The following TXLNG variants were observed in gnomAD, a reference collection of about 807,000 sequenced individuals.
TXLNG encodes taxilin gamma.
TXLNG carries 5 observed loss-of-function variants against 38.8 expected under a neutral mutation model. The observed-to-expected ratio is 0.13, with a 90% CI of 0.07 to 0.27. TXLNG has a LOEUF of 0.27. TXLNG is among the 10% of genes least tolerant of loss of function. TXLNG has a pLI of 1.00. For missense variants in TXLNG, 393 were observed against 398.2 expected (o/e 0.99, Z 0.11); for synonymous variants, 182 against 158.2 (o/e 1.15, Z -1.13).
intron 1 of TXLNG, among the ~76,000 whole-genome samples, chrX:16,816,973 A>G (rs764400059): frequency 2.7e-4 from 30 of 112,013 alleles, no homozygotes; most frequent in African/African-American, 9.7e-4. Context: ...CCCACCCCCA[A>G]TGGTAACCGC....
rs746233340 is a variant in TXLNG at position 16,821,286 on chromosome X, G to A, written c.498+1031G>A. 8.3e-5 allele frequency among the ~76,000 whole-genome samples: 9 copies of A among 107,914 alleles called. No homozygotes were observed. In the South Asian group the frequency reaches 2.0e-3, roughly 24 times the overall value. 93.7% of individuals were successfully genotyped at this position (107,914 alleles called of 115,157 possible). The stretch of plus-strand genomic sequence containing the variant: ...CTCCTGAGTAGTTGGGACTACAGGC[G>A]CGTGCCACCACGCCTGGCTAATTTT... On this transcript the variant is annotated intron_variant, in intron 3 of 9. Coordinates refer to ENST00000380122, the MANE Select transcript of TXLNG (RefSeq NM_018360.3).
intron 1 of TXLNG, among the ~76,000 whole-genome samples, chrX:16,799,423 G>A (rs1488215518): frequency 9.0e-6 from 1 of 111,453 alleles, no homozygotes; most frequent in Non-Finnish European, 1.9e-5. Context: ...TATACAATGG[G>A]GTAATGTTCC....
chrX:16,795,208 C>T (rs184647384), intron 1 of TXLNG, among the ~76,000 whole-genome samples: 1,565 of 110,087 alleles, frequency 0.014, 34 homozygotes, highest in Admixed American at 0.067. Flanking sequence ...ACCTGGGAGG[C>T]GGAGCTTGCA....
At chrX:16,821,140 CTT>C (rs1555993594) in intron 3 of TXLNG, among the ~76,000 whole-genome samples, 20 of 9,972 alleles carry the variant, frequency 2.0e-3, no homozygotes, top group East Asian at 0.016. Context: ...TTCTTTCTTT[CTT>C]TTTTTTTTTT....
At position 16,841,824 on chromosome X, in the gene TXLNG, T is replaced by C. The variant is rs1929856818; in HGVS notation, c.*58T>C. The C allele has an allele frequency of 9.1e-7, 1 of 1,098,141 alleles. No individual in the cohort carries two copies. Among genetic ancestry groups the C allele is most frequent in the Non-Finnish European group, 1.2e-6 (1 of 819,843 alleles). 90.5% of individuals were successfully genotyped at this position (1,098,141 alleles called of 1,213,427 possible). A position where few individuals can be genotyped will look rare whatever the true frequency, so the allele number is the denominator to read the frequency against. ...TTTTGTGTATAACTTTCTCTGTTAG[T>C]AGTTAACTATTGGTTTTGTGGTGAA... On this transcript the variant is annotated 3_prime_UTR_variant, in exon 10 of 10. Coordinates refer to ENST00000380122, the MANE Select transcript of TXLNG (RefSeq NM_018360.3).
chrX:16,828,191 G>C lies in TXLNG; in HGVS notation c.596G>C (p.Ser199Thr). The C allele has an allele frequency of 2.5e-6, 3 of 1,211,195 alleles. No homozygotes were observed. Among genetic ancestry groups the C allele is most frequent in the Non-Finnish European group, 3.4e-6 (3 of 895,083 alleles). The change falls in exon 4 of 10, where the codon AGC becomes ACC. Residue 199 changes from serine (S) to threonine (T), a missense_variant. Physicochemically the swap from Ser to Thr is moderately conservative, Grantham distance 58 (BLOSUM62 1). Coordinates refer to ENST00000380122, the MANE Select transcript of TXLNG (RefSeq NM_018360.3). ...KEKVHLQSEH[S>T]KAILARSKLE... ...AAAGTTCACTTGCAGAGTGAACATA[G>C]CAAGGCTATCTTGGCAAGAAGCAAG...
At chrX:16,840,010 C>T in intron 9 of TXLNG, 94 bp downstream of exon 9, 1 of 651,668 alleles carries the variant, frequency 1.5e-6, no homozygotes, top group Non-Finnish European at 2.3e-6. Context: ...TGCTGTAACA[C>T]TACTACCATA....
At chrX:16,810,043 TACTA>T (rs1434265877) in intron 1 of TXLNG, among the ~76,000 whole-genome samples, 1 of 111,690 alleles carries the variant, frequency 9.0e-6, no homozygotes, top group African/African-American at 3.3e-5. Context: ...CCCTGCAGTT[TACTA>T]ACTGTGACCT....
chrX:16,828,586 C>T (rs185472108), intron 4 of TXLNG, among the ~76,000 whole-genome samples: 101 of 111,868 alleles, frequency 9.0e-4, no homozygotes, highest in African/African-American at 3.1e-3. Flanking sequence ...AGCACTGATA[C>T]AGCTGATCAC....
At position 16,844,175 on chromosome X, in the gene TXLNG, G is replaced by A. The variant is rs1929999021; in HGVS notation, c.*2409G>A. The A allele has an allele frequency of 2.7e-5, 3 of 111,911 alleles. No homozygotes were observed. In the South Asian group the frequency reaches 1.1e-3, roughly 42 times the overall value. 9.2% of individuals were successfully genotyped at this position (111,911 alleles called of 1,213,427 possible). ...GACCATTTCATCCTCAGACTTGTTA[G>A]GAGTACATTTCTTGGTCTTGAGACC... is the stretch of plus-strand genomic sequence containing the variant. On this transcript the variant is annotated 3_prime_UTR_variant, in exon 10 of 10. Coordinates refer to ENST00000380122, the MANE Select transcript of TXLNG (RefSeq NM_018360.3).
chrX:16,821,949 G>A (rs1334308268), intron 3 of TXLNG, among the ~76,000 whole-genome samples: 6 of 109,456 alleles, frequency 5.5e-5, no homozygotes, highest in Non-Finnish European at 7.6e-5. Flanking sequence ...AGCCGAGATC[G>A]TGCCACTGCA....
At chrX:16,803,075 C>T (rs1451252844) in intron 1 of TXLNG, among the ~76,000 whole-genome samples, 2 of 111,070 alleles carry the variant, frequency 1.8e-5, no homozygotes, top group African/African-American at 3.3e-5. Flanking sequence ...TCCTTGGCCT[C>T]CCAAAGTACC....
chrX:16,804,004 C>G (rs1392513737), intron 1 of TXLNG, among the ~76,000 whole-genome samples: 1 of 110,648 alleles, frequency 9.0e-6, no homozygotes, highest in East Asian at 2.9e-4. Context: ...ATTTGACAGC[C>G]AAAAAGTAAA....
chrX:16,832,476 AG>A, intron 5 of TXLNG, 146 bp from the exon 6 acceptor site: 1 of 773,141 alleles, frequency 1.3e-6, no homozygotes, highest in Non-Finnish European at 1.9e-6. Context: ...CGGAGTATAC[AG>A]GGACAGAGAG....
At chrX:16,786,642 C>G (rs936712085) in intron 1 of TXLNG, 53 bp downstream of exon 1, 2 of 904,111 alleles carry the variant, frequency 2.2e-6, no homozygotes, top group Non-Finnish European at 1.4e-6. Flanking sequence ...TGTTTGGGCT[C>G]CCTTTTTCAG....
At chrX:16,801,162 T>G (rs909567421) in intron 1 of TXLNG, among the ~76,000 whole-genome samples, 1 of 112,081 alleles carries the variant, frequency 8.9e-6, no homozygotes, top group Non-Finnish European at 1.9e-5. Context: ...TCTTTTCTTA[T>G]AAATTACCCA....
At chrX:16,829,909 G>A in intron 5 of TXLNG, 139 bp downstream of exon 5, 2 of 547,278 alleles carry the variant, frequency 3.7e-6, no homozygotes, top group East Asian at 3.6e-5. Flanking sequence ...ATTAGGAAAC[G>A]ATCAGGCACC....
chrX:16,812,487 A>G (rs1278622729), intron 1 of TXLNG, among the ~76,000 whole-genome samples: 2 of 98,126 alleles, frequency 2.0e-5, no homozygotes, highest in Non-Finnish European at 4.1e-5. Flanking sequence ...TCCGCCTCCC[A>G]GGTTCAAGTG....
chrX:16,797,473 A>G (rs1263837137), intron 1 of TXLNG, among the ~76,000 whole-genome samples: 1 of 111,510 alleles, frequency 9.0e-6, no homozygotes, highest in East Asian at 2.8e-4. Context: ...CTTGACTGGG[A>G]AAGATCCACT....
Sources: gnomAD v4.1 joint callset for allele counts (sites outside exome capture counted in the v4.1 genomes callset) on GRCh38, gnomAD v4.1.1 for gene constraint, MANE v1.5 for transcripts, NCBI Gene and HGNC (gene_info 2026-07-23, HGNC 2026-07-21) for gene names.